Variants in CFAP44 observed in about 807,000 individuals in gnomAD.
CFAP44 encodes the protein cilia and flagella associated protein 44.
A neutral mutation model predicts 216.2 loss-of-function variants in CFAP44; 134 were observed. The observed-to-expected ratio is 0.62, with a 90% CI of 0.54 to 0.72. The LOEUF is 0.72. Among genes scored for constraint, CFAP44 ranks in the 30% least tolerant of loss-of-function variants. The pLI is 0.00. For synonymous variants in CFAP44, 700 were observed against 727.6 expected (o/e 0.96, Z 0.61); for missense variants, 2,035 against 2,182.1 (o/e 0.93, Z 1.34).
Position 113,409,302 on chromosome 3 carries a change from CA to C in CFAP44, c.693del (p.Tyr231Ter). 6.2e-7 allele frequency: 1 copy of C among 1,614,032 alleles called. No individual in the cohort carries two copies. The highest frequency in any genetic ancestry group is 8.5e-7 in the Non-Finnish European group (1 of 1,179,990). On this transcript the variant is annotated frameshift_variant, in exon 7 of 35. Transcript: ENST00000393845. LOFTEE classifies it high-confidence loss of function. ...CCGCTGTAGTTAAAGTCCACATAAG[CA>C]TATCCCTTCTCAGTCCCATCTGGAA... ...RVLRDGTEKG[Y>X]AYVDFNYSGN...
chr3:113,310,979 C>T (rs372236228), intron 28 of CFAP44, among the ~76,000 whole-genome samples: 3 of 152,184 alleles, frequency 2.0e-5, no homozygotes, highest in East Asian at 1.9e-4. Flanking sequence ...AATTAAACGT[C>T]TTTTCTTATA....
chr3:113,303,880 A>T, intron 32 of CFAP44, 36 bp downstream of exon 32: 1 of 1,533,324 alleles, frequency 6.5e-7, no homozygotes, highest in South Asian at 1.2e-5. Flanking sequence ...CTTACCAATA[A>T]ACCTTACTAG....
intron 12 of CFAP44, 54 bp from the exon 13 acceptor site, chr3:113,400,054 T>C: frequency 1.6e-6 from 2 of 1,220,542 alleles, no homozygotes; most frequent in South Asian, 1.8e-5. Context: ...TTTTTTTAAG[T>C]CTTGGCTCAC....
chr3:113,343,693 C>T (rs1397930168), intron 23 of CFAP44, among the ~76,000 whole-genome samples: 3 of 152,040 alleles, frequency 2.0e-5, no homozygotes, highest in Non-Finnish European at 4.4e-5. Flanking sequence ...GGACAAAAGA[C>T]TAAACAGACA....
chr3:113,363,385 T>C, intron 20 of CFAP44, 78 bp from the exon 21 acceptor site: 1 of 1,570,434 alleles, frequency 6.4e-7, no homozygotes, highest in Non-Finnish European at 8.6e-7. Context: ...ATTCAATAAT[T>C]TGAAAATTCA....
At chr3:113,383,658 T>C (rs1241477901) in intron 15 of CFAP44, among the ~76,000 whole-genome samples, 2 of 152,158 alleles carry the variant, frequency 1.3e-5, no homozygotes, top group African/African-American at 4.8e-5. Context: ...GGTCTCTGTG[T>C]CGTGAAAGAA....
chr3:113,338,342 T>C (rs545138070), intron 24 of CFAP44, among the ~76,000 whole-genome samples: 6 of 145,550 alleles, frequency 4.1e-5, no homozygotes, highest in Admixed American at 3.4e-4. Flanking sequence ...AAAATATTTG[T>C]AAACTATATA....
chr3:113,394,569 C>A (rs1933938038), intron 15 of CFAP44, among the ~76,000 whole-genome samples: 1 of 152,132 alleles, frequency 6.6e-6, no homozygotes, highest in Non-Finnish European at 1.5e-5. Context: ...ATTTTAACTT[C>A]TTCCTTTCTT....
intron 25 of CFAP44, among the ~76,000 whole-genome samples, chr3:113,332,207 G>A (rs1457634584): frequency 6.6e-6 from 1 of 152,152 alleles, no homozygotes; most frequent in Non-Finnish European, 1.5e-5. Flanking sequence ...CTACAATGAT[G>A]TATGTAACAT....
intron 28 of CFAP44, among the ~76,000 whole-genome samples, chr3:113,320,466 C>CAT (rs760411103): frequency 1.3e-4 from 12 of 93,932 alleles, no homozygotes; most frequent in African/African-American, 4.8e-4. Context: ...ATCTATATAT[C>CAT]ATATATGATA....
intron 8 of CFAP44, among the ~76,000 whole-genome samples, 153 bp downstream of exon 8, chr3:113,406,774 C>T (rs559977308): frequency 5.9e-5 from 9 of 152,126 alleles, no homozygotes; most frequent in African/African-American, 2.2e-4. Flanking sequence ...ATTTTAATTA[C>T]AATTGATAAT....
chr3:113,416,419 T>G, intron 6 of CFAP44, 106 bp downstream of exon 6: 1 of 831,680 alleles, frequency 1.2e-6, no homozygotes. Flanking sequence ...TGTCTTCCAC[T>G]AGTTCTGTTT....
Position 113,366,224 on chromosome 3 carries a change from TGGTCAATGAAG to T in CFAP44, c.2519_2529del (p.Pro840GlnfsTer12). Reference sequence around the variant, plus strand: ...TTGAAGTGCCAGTAGTCCACCAAACTGGTCAATGAAGGATCATTTTGATTTAGGACATAGAC... The same window carrying T: ...TTGAAGTGCCAGTAGTCCACCAAACTGATCATTTTGATTTAGGACATAGAC... On this transcript the variant is annotated frameshift_variant, in exon 19 of 35. Transcript: ENST00000393845. LOFTEE classifies it high-confidence loss of function. 1 of 1,614,074 alleles carries T rather than the reference TGGTCAATGAAG, an allele frequency of 6.2e-7. No individual in the cohort carries two copies. Among genetic ancestry groups the T allele is most frequent in the South Asian group, 1.1e-5 (1 of 91,074 alleles).
intron 34 of CFAP44, among the ~76,000 whole-genome samples, chr3:113,291,997 C>T (rs1014375584): frequency 5.3e-5 from 8 of 152,176 alleles, no homozygotes; most frequent in African/African-American, 1.9e-4. Context: ...AGCTATCAGT[C>T]ATTCATTACC....
In CFAP44 at chr3:113,296,769, G is replaced by C; in HGVS notation, c.5194C>G (p.Leu1732Val). Residue 1732 changes from leucine (L) to valine (V), a missense_variant, in exon 33 of 35, where the codon CTT (leucine) becomes GTT (valine). Leu to Val is a conservative substitution (Grantham distance 32, BLOSUM62 1). Coordinates refer to ENST00000393845, the MANE Select transcript of CFAP44 (RefSeq NM_001164496.2). ...TTLEELKIRKLRKELANAKEM... is the reference protein window; with the variant it reads ...TTLEELKIRKVRKELANAKEM... Reference sequence around the variant, plus strand: ...TTCGCATTTGCTAGCTCCTTTCGAAGTTTTCTGATCTTCAGTTCTTCAAGT... The same window carrying C: ...TTCGCATTTGCTAGCTCCTTTCGAACTTTTCTGATCTTCAGTTCTTCAAGT... 1.3e-6 allele frequency: 2 copies of C among 1,537,752 alleles called. No homozygotes were observed. Among genetic ancestry groups the C allele is most frequent in the Non-Finnish European group, 1.7e-6 (2 of 1,147,000 alleles).
At chr3:113,396,151 TAC>T (rs766657326) in intron 14 of CFAP44, among the ~76,000 whole-genome samples, 2 of 152,214 alleles carry the variant, frequency 1.3e-5, no homozygotes, top group Non-Finnish European at 2.9e-5. Flanking sequence ...ATAAAGAATT[TAC>T]ACAGTTATTC....
intron 6 of CFAP44, among the ~76,000 whole-genome samples, chr3:113,414,166 T>C (rs1167156660): frequency 6.6e-6 from 1 of 152,154 alleles, no homozygotes; most frequent in Non-Finnish European, 1.5e-5. Context: ...TGCTTGTCTA[T>C]TGTTGATGTA....
Position 113,322,762 on chromosome 3 carries a change from A to G in CFAP44, c.4516+3683T>C, listed in dbSNP as rs916069590. 2.6e-5 allele frequency among the ~76,000 whole-genome samples: 4 copies of G among 152,370 alleles called. No individual in the cohort carries two copies. In the East Asian group the frequency reaches 7.7e-4, roughly 29 times the overall value. On this transcript the variant is annotated intron_variant, in intron 28 of 34. Transcript: ENST00000393845. Reference sequence around the variant, plus strand: ...TACACAAAGGAAAATAGATCATTATACCAAAAAGACATATGCACTCATGTT... The same window carrying G: ...TACACAAAGGAAAATAGATCATTATGCCAAAAAGACATATGCACTCATGTT...
Position 113,426,156 on chromosome 3 carries a change from A to C in CFAP44, c.375T>G (p.Asp125Glu). ...ELASMPFVTL[D>E]SNIPLDLLTL... ...TGAGAAGATCCAGTGGTATGTTTGA[A>C]TCCAGAGTCACAAAAGGCATCGAAG... Residue 125 changes from aspartate (D) to glutamate (E), a missense_variant, in exon 4 of 35, where the codon GAT becomes GAG. Asp to Glu is a conservative substitution (Grantham distance 45). This residue lies in a region of CFAP44 where 149 missense variants were observed against 141.8 expected (regional missense o/e 1.05). Coordinates refer to ENST00000393845, the MANE Select transcript of CFAP44 (RefSeq NM_001164496.2). The C allele has an allele frequency of 6.2e-7, 1 of 1,614,148 alleles. No homozygotes were observed. Among genetic ancestry groups the C allele is most frequent in the South Asian group, 1.1e-5 (1 of 91,082 alleles).
Sources: allele counts gnomAD v4.1 joint callset (sites outside exome capture counted in the v4.1 genomes callset), GRCh38; gene constraint gnomAD v4.1.1; regional missense constraint gnomAD v4.1.1; transcripts MANE v1.5; gene names NCBI Gene and HGNC (gene_info 2026-07-23, HGNC 2026-07-21).